Variants in HTT observed in about 807,000 individuals in gnomAD.
HTT encodes the protein huntingtin.
In HTT, 104 loss-of-function variants were observed where a neutral mutation model predicts 362.3. The observed-to-expected ratio is 0.29, with a 90% confidence interval of 0.24 to 0.34. HTT has a LOEUF of 0.34. Among genes scored for constraint, HTT ranks in the 10% least tolerant of loss-of-function variants. The pLI, the probability that HTT is intolerant of heterozygous loss-of-function variation, is 1.00. For missense variants in HTT, 3,301 were observed against 3,928.6 expected (o/e 0.84, Z 4.27); for synonymous variants, 1,577 against 1,548.7 (o/e 1.02, Z -0.43).
In HTT at chr4:3,231,746, G is replaced by A. The variant is rs547560468; in HGVS notation, c.8266-1417G>A. Among the ~76,000 whole-genome samples, 15 of 152,288 alleles carry A rather than the reference G, an allele frequency of 9.8e-5. No individual in the cohort carries two copies. In the East Asian group the frequency reaches 1.7e-3, roughly 18 times the overall value. On this transcript the variant is annotated intron_variant, in intron 60 of 66. Coordinates refer to ENST00000355072, the MANE Select transcript of HTT (RefSeq NM_001388492.1). ...GGTGTTGCCCACACGATGTCAAAGCGGCTCTTGGAAGGGGTCCTTCTCCTT... is the reference window on the plus strand; with the variant it reads ...GGTGTTGCCCACACGATGTCAAAGCAGCTCTTGGAAGGGGTCCTTCTCCTT...
intron 14 of HTT, 116 bp downstream of exon 14, chr4:3,130,539 C>T: frequency 1.7e-6 from 1 of 605,124 alleles, no homozygotes; most frequent in African/African-American, 1.9e-5. Context: ...TAAATTTCCC[C>T]TTTAAATACC....
In HTT at chr4:3,115,945, A is replaced by G. The variant is rs1715000474; in HGVS notation, c.890-140A>G. The G allele has an allele frequency of 5.3e-6, 4 of 758,194 alleles. No individual in the cohort carries two copies. The South Asian group carries it at 6.6e-5, about 12-fold the overall frequency. The allele number at this position is 758,194 out of a possible 1,614,324, so 47.0% of individuals were successfully genotyped here. On this transcript the variant is annotated intron_variant, in intron 7 of 66. Transcript: ENST00000355072. The stretch of plus-strand genomic sequence containing the variant: ...GGGATGTGGGTGTGTAGCCATTCCC[A>G]GTGGGCCTCATGGCGTACTCGTTCA...
intron 29 of HTT, among the ~76,000 whole-genome samples, chr4:3,163,656 G>A (rs1390731401): frequency 6.6e-6 from 1 of 152,178 alleles, no homozygotes; most frequent in Non-Finnish European, 1.5e-5. Context: ...TTGGGAGGGT[G>A]TATGTGTCCA....
intron 51 of HTT, among the ~76,000 whole-genome samples, chr4:3,216,655 T>C (rs1720414256): frequency 6.6e-6 from 1 of 152,244 alleles, no homozygotes; most frequent in African/African-American, 2.4e-5. Context: ...CCCATGGCCC[T>C]CTTTAGGCAA....
chr4:3,132,579 G>A lies in HTT; in HGVS notation c.2254G>A (p.Asp752Asn). The change falls in exon 17 of 67, where the codon GAC (aspartate) becomes AAC (asparagine). Residue 752 changes from aspartate to asparagine, a missense_variant. Physicochemically the swap from Asp to Asn is conservative, Grantham distance 23. Coordinates refer to ENST00000355072, the MANE Select transcript of HTT (RefSeq NM_001388492.1). Reference protein sequence around the residue: ...TEYPEEQYVSDILNYIDHGDP... With the variant: ...TEYPEEQYVSNILNYIDHGDP... ...CTCCACAGAGGAACAGTATGTCTCA[G>A]ACATCTTGAACTACATCGATCATGG... 6.2e-7 allele frequency: 1 copy of A among 1,614,010 alleles called. No individual in the cohort carries two copies. The highest frequency in any genetic ancestry group is 8.5e-7 in the Non-Finnish European group (1 of 1,179,946).
chr4:3,231,276 GC>G (rs1340643690), intron 60 of HTT, among the ~76,000 whole-genome samples: 2 of 152,316 alleles, frequency 1.3e-5, no homozygotes, highest in East Asian at 1.9e-4. Flanking sequence ...GGCCTGCCTA[GC>G]CCGTGCTCTG....
At chr4:3,161,319 C>G (rs1390646455) in intron 29 of HTT, among the ~76,000 whole-genome samples, 5 of 152,152 alleles carry the variant, frequency 3.3e-5, no homozygotes, top group Non-Finnish European at 5.9e-5. Flanking sequence ...TCCAGTCTAT[C>G]ATTGATGGAC....
At chr4:3,105,254 C>G in intron 4 of HTT, 103 bp from the exon 5 acceptor site, 1 of 782,088 alleles carries the variant, frequency 1.3e-6, no homozygotes, top group South Asian at 1.6e-5. Flanking sequence ...GGCCTTTTCT[C>G]TAAAATTAGA....
intron 29 of HTT, among the ~76,000 whole-genome samples, chr4:3,171,434 T>C (rs1717966485): frequency 6.6e-6 from 1 of 151,460 alleles, no homozygotes; most frequent in Non-Finnish European, 1.5e-5. Context: ...TTCAGAATGG[T>C]GGCGCTCTTT....
Position 3,146,806 on chromosome 4 carries a change from A to T in HTT, c.3153A>T (p.Pro1051=). Residue 1051 remains proline, a synonymous_variant, in exon 25 of 67, where the codon CCA becomes CCT. Coordinates refer to ENST00000355072, the MANE Select transcript of HTT (RefSeq NM_001388492.1). Reference sequence around the variant, plus strand: ...AAATGTCTGCTTCCAGAGTGCCTCCACTGAGTGCCTCAGATGAGTCTAGGA... The same window carrying T: ...AAATGTCTGCTTCCAGAGTGCCTCCTCTGAGTGCCTCAGATGAGTCTAGGA... ...WSLGWHCGVP[P]LSASDESRKS... is the part of the protein sequence containing the mutation. 8 of 1,614,020 alleles carry T rather than the reference A, an allele frequency of 5.0e-6. No individual in the cohort carries two copies. The highest frequency in any genetic ancestry group is 6.8e-6 in the Non-Finnish European group (8 of 1,179,896).
chr4:3,126,500 G>A (rs1715526039), intron 11 of HTT, among the ~76,000 whole-genome samples: 1 of 152,104 alleles, frequency 6.6e-6, no homozygotes. Context: ...CTGAAAGTAA[G>A]ACTTAAATAT....
chr4:3,117,510 A>G (rs1301983627), intron 8 of HTT, among the ~76,000 whole-genome samples: 3 of 152,192 alleles, frequency 2.0e-5, no homozygotes, highest in Non-Finnish European at 4.4e-5. Context: ...GTATCTCTAT[A>G]GATGAGGACT....
chr4:3,160,871 T>C (rs1160884814), intron 29 of HTT, among the ~76,000 whole-genome samples: 3 of 152,156 alleles, frequency 2.0e-5, no homozygotes, highest in African/African-American at 7.2e-5. Flanking sequence ...AAAAGTCTCG[T>C]AGATTTTCTT....
At chr4:3,116,604 G>T (rs190238071) in intron 8 of HTT, among the ~76,000 whole-genome samples, 1 of 152,324 alleles carries the variant, frequency 6.6e-6, no homozygotes, top group Non-Finnish European at 1.5e-5. Flanking sequence ...TGGGATAGGG[G>T]CTGGGTATAC....
intron 1 of HTT, among the ~76,000 whole-genome samples, chr4:3,078,184 T>A (rs1261896438): frequency 6.6e-6 from 1 of 152,238 alleles, no homozygotes; most frequent in Non-Finnish European, 1.5e-5. Context: ...TGGCAGTTTC[T>A]TATTCTCCTT....
rs780304223 is a variant in HTT at position 3,210,904 on chromosome 4, C to CT, written c.6414+970dup. On this transcript the variant is annotated intron_variant, in intron 47 of 66. Coordinates refer to ENST00000355072, the MANE Select transcript of HTT (RefSeq NM_001388492.1). The stretch of plus-strand genomic sequence containing the variant: ...AAATCCATTTACTAAAATTGTTTAT[C>CT]TTTTTTTTTTTTTTTGAGACAAAGT... 2.9e-3 allele frequency among the ~76,000 whole-genome samples: 352 copies of CT among 122,688 alleles called. 11 individuals carry two copies. Among genetic ancestry groups the CT allele is most frequent in the Middle Eastern group, 0.022 (5 of 232 alleles). The allele number at this position is 122,688 out of a possible 152,430, so 80.5% of individuals were successfully genotyped here. A position where few individuals can be genotyped will look rare whatever the true frequency, so the allele number is the denominator to read the frequency against.
chr4:3,085,107 T>A (rs974259528), intron 1 of HTT, among the ~76,000 whole-genome samples: 2 of 152,044 alleles, frequency 1.3e-5, no homozygotes, highest in Non-Finnish European at 2.9e-5. Flanking sequence ...GATTGCTTGA[T>A]TACACAATTA....
rs545249927 is a variant in HTT, at chr4:3,212,545, C to A, written c.6629-19C>A. On this transcript the variant is annotated intron_variant, in intron 48 of 66. Transcript: ENST00000355072. ...CTGTGCTCACGTTTGCACCCACCCACGAGGTCCTTCTGTTTCAGGGGATGC... is the reference window on the plus strand; with the variant it reads ...CTGTGCTCACGTTTGCACCCACCCAAGAGGTCCTTCTGTTTCAGGGGATGC... 81 of 1,611,530 alleles carry A rather than the reference C, an allele frequency of 5.0e-5. No individual in the cohort carries two copies. The South Asian group carries it at 8.4e-4, about 17-fold the overall frequency.
intron 3 of HTT, among the ~76,000 whole-genome samples, chr4:3,100,017 G>T (rs1167953583): frequency 2.0e-5 from 3 of 152,186 alleles, no homozygotes; most frequent in East Asian, 1.9e-4. Flanking sequence ...ACACCTGCCC[G>T]GTCAGAAGGC....
Sources: gnomAD v4.1 joint callset for allele counts (sites outside exome capture counted in the v4.1 genomes callset) on GRCh38, gnomAD v4.1.1 for gene constraint, MANE v1.5 for transcripts, NCBI Gene and HGNC (gene_info 2026-07-23, HGNC 2026-07-21) for gene names.